SEMA3E: variants seen among roughly 807,000 people sequenced by gnomAD.
SEMA3E encodes semaphorin-3E.
A neutral mutation model predicts 93.6 loss-of-function variants in SEMA3E; 49 were observed. The observed-to-expected ratio is 0.52, with a 90% confidence interval of 0.42 to 0.66. The LOEUF (loss-of-function observed/expected upper bound fraction) is 0.66. Among genes scored for constraint, SEMA3E ranks in the 30% least tolerant of loss-of-function variants. The pLI is 0.00. For missense variants in SEMA3E, 906 were observed against 964.8 expected (o/e 0.94, Z 0.81); for synonymous variants, 363 against 330.7 (o/e 1.10, Z -1.06).
chr7:83,434,724 T>C (rs1358747337), intron 4 of SEMA3E, among the ~76,000 whole-genome samples: 1 of 121,850 alleles, frequency 8.2e-6, no homozygotes, highest in Non-Finnish European at 1.7e-5. Context: ...TTTTTTTTTT[T>C]TTTTTTTGAG....
intron 4 of SEMA3E, among the ~76,000 whole-genome samples, chr7:83,422,502 C>T (rs1269712036): frequency 6.6e-6 from 1 of 152,062 alleles, no homozygotes; most frequent in African/African-American, 2.4e-5. Context: ...GAGGAAATGA[C>T]CAAGTATATG....
chr7:83,416,915 C>T (rs2723031), intron 5 of SEMA3E, among the ~76,000 whole-genome samples: 120,673 of 150,972 alleles, frequency 0.8, 48,678 homozygotes, highest in South Asian at 0.89. Flanking sequence ...TTGATTTTAC[C>T]AAGTCTAACC....
At chr7:83,394,996 G>A (rs1167576886) in intron 12 of SEMA3E, among the ~76,000 whole-genome samples, 1 of 152,166 alleles carries the variant, frequency 6.6e-6, no homozygotes, top group African/African-American at 2.4e-5. Flanking sequence ...CACAAGACAG[G>A]TGAAATCCAC....
chr7:83,591,281 G>T lies in SEMA3E; in HGVS notation c.115+57147C>A, dbSNP rs374333484. Among the ~76,000 whole-genome samples, 8 of 151,698 alleles carry T rather than the reference G, an allele frequency of 5.3e-5. No homozygotes were observed. In the East Asian group the frequency reaches 5.8e-4, roughly 11 times the overall value. On this transcript the variant is annotated intron_variant, in intron 1 of 16. Transcript: ENST00000643230. ...CATGCAAATCTTTATTGGATTATAG[G>T]ATATCATGGGACCTGCTGCCAGTAA...
At chr7:83,400,384 C>A in intron 10 of SEMA3E, 134 bp from the exon 11 acceptor site, 1 of 817,202 alleles carries the variant, frequency 1.2e-6, no homozygotes, top group Admixed American at 2.4e-5. Context: ...ATTTAGTAAT[C>A]ATATATTTTT....
intron 4 of SEMA3E, among the ~76,000 whole-genome samples, chr7:83,440,211 T>C (rs1019413957): frequency 1.3e-5 from 2 of 152,140 alleles, no homozygotes; most frequent in African/African-American, 4.8e-5. Flanking sequence ...GAAGTACAAT[T>C]AGTATAATGA....
intron 2 of SEMA3E, among the ~76,000 whole-genome samples, chr7:83,482,123 C>A (rs890926370): frequency 1.3e-5 from 2 of 152,102 alleles, no homozygotes; most frequent in Admixed American, 6.5e-5. Context: ...CACTGTGAAA[C>A]AGGATTCTTA....
At chr7:83,483,234 G>A (rs904768970) in intron 2 of SEMA3E, among the ~76,000 whole-genome samples, 5 of 151,924 alleles carry the variant, frequency 3.3e-5, no homozygotes, top group Admixed American at 6.6e-5. Context: ...TAGTATCTGC[G>A]GTTTCATTAC....
intron 1 of SEMA3E, among the ~76,000 whole-genome samples, chr7:83,605,628 C>G (rs1159938402): frequency 1.3e-5 from 2 of 152,028 alleles, no homozygotes; most frequent in Non-Finnish European, 2.9e-5. Flanking sequence ...TGGGGTTTCA[C>G]CATGTTGGTT....
chr7:83,394,998 G>A (rs1257434712), intron 12 of SEMA3E, among the ~76,000 whole-genome samples: 2 of 152,172 alleles, frequency 1.3e-5, no homozygotes, highest in Non-Finnish European at 2.9e-5. Flanking sequence ...CAAGACAGGT[G>A]AAATCCACTC....
At chr7:83,441,443 C>A (rs17215452) in intron 4 of SEMA3E, among the ~76,000 whole-genome samples, 16,346 of 151,856 alleles carry the variant, frequency 0.11, 1,014 homozygotes, top group Non-Finnish European at 0.14. Flanking sequence ...GATTTGTGAA[C>A]CAACATGCAA....
intron 1 of SEMA3E, among the ~76,000 whole-genome samples, chr7:83,506,661 TAGA>T (rs1201145764): frequency 1.3e-5 from 2 of 152,150 alleles, no homozygotes; most frequent in South Asian, 2.1e-4. Flanking sequence ...ATGCTAAAAT[TAGA>T]AGAACTGAAA....
At chr7:83,603,762 G>C (rs1793046550) in intron 1 of SEMA3E, among the ~76,000 whole-genome samples, 1 of 152,092 alleles carries the variant, frequency 6.6e-6, no homozygotes, top group African/African-American at 2.4e-5. Context: ...TTCATCTACT[G>C]TAGAGCTTTG....
intron 10 of SEMA3E, among the ~76,000 whole-genome samples, chr7:83,401,361 A>G (rs1408787357): frequency 1.3e-5 from 2 of 152,112 alleles, no homozygotes; most frequent in Non-Finnish European, 2.9e-5. Context: ...CAAAGAGGAC[A>G]TTTATAATGG....
chr7:83,645,719 TTCTCTCTCTCTC>T (rs57724559), intron 1 of SEMA3E, among the ~76,000 whole-genome samples: 6 of 146,444 alleles, frequency 4.1e-5, no homozygotes, highest in Admixed American at 1.4e-4. Flanking sequence ...CCTTGTCTCC[TTCTCTCTCTCTC>T]TCTCTCTCTC....
At chr7:83,557,509 A>C (rs1372109729) in intron 1 of SEMA3E, among the ~76,000 whole-genome samples, 1 of 152,060 alleles carries the variant, frequency 6.6e-6, no homozygotes, top group African/African-American at 2.4e-5. Context: ...AAAATATTAA[A>C]GGAAAACCAG....
intron 1 of SEMA3E, among the ~76,000 whole-genome samples, chr7:83,522,194 A>G (rs763350895): frequency 3.3e-5 from 5 of 152,092 alleles, no homozygotes; most frequent in Non-Finnish European, 4.4e-5. Flanking sequence ...AAGGTACTCT[A>G]TCTACAAATT....
intron 2 of SEMA3E, among the ~76,000 whole-genome samples, chr7:83,478,215 G>A (rs1411017682): frequency 6.6e-6 from 1 of 152,114 alleles, no homozygotes; most frequent in Admixed American, 6.6e-5. Context: ...GAGCCACCGT[G>A]CCGGGCCCAA....
intron 2 of SEMA3E, among the ~76,000 whole-genome samples, chr7:83,477,612 C>G (rs1050728318): frequency 6.6e-6 from 1 of 151,952 alleles, no homozygotes; most frequent in Non-Finnish European, 1.5e-5. Flanking sequence ...AGCTTATTCT[C>G]CTAAGCATTT....
Sources: allele counts gnomAD v4.1 joint callset (sites outside exome capture counted in the v4.1 genomes callset), GRCh38; gene constraint gnomAD v4.1.1; transcripts MANE v1.5; gene names NCBI Gene and HGNC (gene_info 2026-07-23, HGNC 2026-07-21).